The following NALF1 variants were observed in gnomAD, a reference collection of about 807,000 sequenced individuals.
NALF1 encodes the protein NALCN channel auxiliary factor 1.
In NALF1, 3 loss-of-function variants were observed where a neutral mutation model predicts 48.4. The observed-to-expected ratio is 0.06, with a 90% CI of 0.03 to 0.16. The LOEUF is 0.16. Ranked by LOEUF, NALF1 falls within the 10% of genes least tolerant of loss-of-function variation. The probability of loss-of-function intolerance (pLI) is 1.00; values close to 1 mark genes in which losing one functional copy is unlikely to be tolerated. For synonymous variants in NALF1, 262 were observed against 245.7 expected, an observed-to-expected ratio of 1.07 and a Z score of -0.62; for missense variants, 526 against 571.5, an observed-to-expected ratio of 0.92 and a Z score of 0.81.
intron 1 of NALF1, among the ~76,000 whole-genome samples, chr13:107,677,114 T>C (rs1263959916): frequency 6.6e-6 from 1 of 152,260 alleles, no homozygotes; most frequent in South Asian, 2.1e-4. Context: ...TGGTGCAATC[T>C]TGGCTTACTG....
intron 1 of NALF1, among the ~76,000 whole-genome samples, chr13:107,838,327 AACATCTGAAATGC>A: frequency 6.6e-6 from 1 of 152,228 alleles, no homozygotes; most frequent in Non-Finnish European, 1.5e-5. Context: ...CAAAAACAAT[AACATCTGAAATGC>A]ACCGCTATGC....
intron 1 of NALF1, among the ~76,000 whole-genome samples, chr13:107,269,100 T>A (rs1363576561): frequency 6.6e-6 from 1 of 151,540 alleles, no homozygotes; most frequent in Non-Finnish European, 1.5e-5. Flanking sequence ...GAGGTCCAGA[T>A]TGCAGTAAGC....
In NALF1 at chr13:107,490,951, T is replaced by C. The variant is rs147550006; in HGVS notation, c.916-280196A>G. Among the ~76,000 whole-genome samples, 173 of 152,338 alleles carry C rather than the reference T, an allele frequency of 1.1e-3. 1 individual carries two copies. The highest frequency in any genetic ancestry group is 3.7e-3 in the African/African-American group (152 of 41,582). On this transcript the variant is annotated intron_variant, in intron 1 of 2. Coordinates refer to ENST00000375915, the MANE Select transcript of NALF1 (RefSeq NM_001080396.3). The stretch of plus-strand genomic sequence containing the variant: ...GTGCCCCTAACCCAGCTTGCTGTTT[T>C]ACCTCAGCAAAATTAAGCCGTGTAT...
chr13:107,558,371 TATC>T (rs1172433203), intron 1 of NALF1, among the ~76,000 whole-genome samples: 5 of 152,178 alleles, frequency 3.3e-5, no homozygotes, highest in African/African-American at 1.2e-4. Context: ...GCACAAAAAT[TATC>T]ATTGAAATTG....
chr13:107,715,611 G>A (rs1875790445), intron 1 of NALF1, among the ~76,000 whole-genome samples: 1 of 152,110 alleles, frequency 6.6e-6, no homozygotes, highest in Admixed American at 6.5e-5. Context: ...GTGATGAGCC[G>A]CCTGTGGTGT....
chr13:107,470,122 A>T (rs932609822), intron 1 of NALF1, among the ~76,000 whole-genome samples: 9 of 152,154 alleles, frequency 5.9e-5, no homozygotes, highest in Admixed American at 5.9e-4. Context: ...TGAATCTCAC[A>T]GTAATTGTCA....
chr13:107,187,846 T>C (rs527731561), intron 2 of NALF1, among the ~76,000 whole-genome samples: 1 of 152,344 alleles, frequency 6.6e-6, no homozygotes, highest in South Asian at 2.1e-4. Flanking sequence ...TTCTCTCATA[T>C]ACTTTTTTAT....
At chr13:107,398,818 T>C (rs541202795) in intron 1 of NALF1, among the ~76,000 whole-genome samples, 4 of 152,298 alleles carry the variant, frequency 2.6e-5, no homozygotes, top group South Asian at 4.1e-4. Context: ...TATCCAACTG[T>C]ATGAGATGGG....
chr13:107,373,151 T>C (rs1173117669), intron 1 of NALF1, among the ~76,000 whole-genome samples: 1 of 152,216 alleles, frequency 6.6e-6, no homozygotes, highest in Non-Finnish European at 1.5e-5. Context: ...AGGTTCTTAC[T>C]AGCACCTCAC....
At chr13:107,499,355 CT>C (rs1875440039) in intron 1 of NALF1, among the ~76,000 whole-genome samples, 5 of 149,324 alleles carry the variant, frequency 3.3e-5, no homozygotes, top group Admixed American at 3.3e-4. Context: ...TTTTTTTTTT[CT>C]TTTTCTGAGA....
chr13:107,490,236 G>T (rs575855173), intron 1 of NALF1, among the ~76,000 whole-genome samples: 1 of 152,066 alleles, frequency 6.6e-6, no homozygotes, highest in Admixed American at 6.5e-5. Context: ...TATACCCAAA[G>T]AAATACAAGT....
intron 1 of NALF1, among the ~76,000 whole-genome samples, chr13:107,516,261 G>C (rs961693827): frequency 5.3e-5 from 8 of 152,116 alleles, no homozygotes; most frequent in African/African-American, 1.9e-4. Context: ...CAGACGTGGA[G>C]AAAGAAAAAG....
chr13:107,171,897 T>C (rs1566440398), intron 2 of NALF1, among the ~76,000 whole-genome samples: 2 of 152,220 alleles, frequency 1.3e-5, no homozygotes. Context: ...AGATTTTTCA[T>C]GTCACATGCT....
At chr13:107,768,165 C>T (rs997255868) in intron 1 of NALF1, among the ~76,000 whole-genome samples, 1 of 152,130 alleles carries the variant, frequency 6.6e-6, no homozygotes, top group Non-Finnish European at 1.5e-5. Context: ...TGATCCAATG[C>T]CTCCTAGGAT....
chr13:107,279,338 C>A (rs1881343584), intron 1 of NALF1, among the ~76,000 whole-genome samples: 1 of 152,090 alleles, frequency 6.6e-6, no homozygotes, highest in Admixed American at 6.5e-5. Flanking sequence ...TCACTGCAAC[C>A]TCTGCCACCC....
chr13:107,738,426 GA>G, intron 1 of NALF1, among the ~76,000 whole-genome samples: 1 of 152,138 alleles, frequency 6.6e-6, no homozygotes, highest in South Asian at 2.1e-4. Flanking sequence ...CTTAAGCCTG[GA>G]CTTCACAAAA....
At chr13:107,721,152 A>C (rs552534249) in intron 1 of NALF1, among the ~76,000 whole-genome samples, 12 of 151,568 alleles carry the variant, frequency 7.9e-5, no homozygotes, top group African/African-American at 2.7e-4. Flanking sequence ...ACACACACGT[A>C]ATGAAATAAT....
chr13:107,440,533 C>T (rs534439540), intron 1 of NALF1, among the ~76,000 whole-genome samples: 2 of 152,072 alleles, frequency 1.3e-5, no homozygotes, highest in East Asian at 1.9e-4. Context: ...ATAATGTTTG[C>T]GCTGAGTTTT....
At chr13:107,797,663 T>A (rs1024044271) in intron 1 of NALF1, among the ~76,000 whole-genome samples, 1 of 152,210 alleles carries the variant, frequency 6.6e-6, no homozygotes, top group South Asian at 2.1e-4. Flanking sequence ...CCAGTCTGGT[T>A]GAAGAATGAA....
Sources: allele counts gnomAD v4.1 joint callset (sites outside exome capture counted in the v4.1 genomes callset), GRCh38; gene constraint gnomAD v4.1.1; transcripts MANE v1.5; gene names NCBI Gene and HGNC (gene_info 2026-07-23, HGNC 2026-07-21).